The following ITGAD variants were observed in gnomAD, a reference collection of about 807,000 sequenced individuals.
ITGAD encodes integrin alpha-D.
ITGAD carries 105 observed loss-of-function variants against 139.0 expected under a neutral mutation model. The observed-to-expected ratio is 0.76, with a 90% CI of 0.65 to 0.89. The LOEUF is 0.89. Among genes scored for constraint, ITGAD ranks in the 40% least tolerant of loss-of-function variants. The pLI is 0.00. For missense variants in ITGAD, 1,384 were observed against 1,487.3 expected, an observed-to-expected ratio of 0.93 and a Z score of 1.14; for synonymous variants, 569 against 598.3, an observed-to-expected ratio of 0.95 and a Z score of 0.71.
At chr16:31,404,133 A>T (rs2081478523) in intron 7 of ITGAD, 1 of 159,590 alleles carries the variant, frequency 6.3e-6, no homozygotes, top group African/African-American at 2.4e-5. Flanking sequence ...TTATCAGAGA[A>T]TGGAGTAGTC....
intron 14 of ITGAD, 85 bp downstream of exon 14, chr16:31,411,602 A>G: frequency 7.7e-7 from 1 of 1,301,234 alleles, no homozygotes; most frequent in South Asian, 1.2e-5. Context: ...CTCTGTCACC[A>G]TTCCCTTCCT....
At position 31,410,457 on chromosome 16, in the gene ITGAD, C is replaced by T. The variant is rs369692698; in HGVS notation, c.1146C>T (p.Pro382=). The T allele has an allele frequency of 1.2e-4, 199 of 1,613,808 alleles. No homozygotes were observed. The highest frequency in any genetic ancestry group is 1.6e-4 in the Non-Finnish European group (188 of 1,179,970). ...FSWSGGAFLY[P]PNMSPTFINM... is the part of the protein sequence containing the mutation. The stretch of plus-strand genomic sequence containing the variant: ...GGTCTGGAGGTGCCTTCCTGTATCC[C>T]CCAAATATGAGCCCCACCTTCATCA... The change falls in exon 11 of 30, where the codon CCC becomes CCT. Residue 382 remains proline, a synonymous_variant. Coordinates refer to ENST00000389202, the MANE Select transcript of ITGAD (RefSeq NM_005353.3).
chr16:31,412,869 T>G lies in ITGAD; in HGVS notation c.1739T>G (p.Leu580Arg), dbSNP rs1015282888. Residue 580 changes from leucine (L) to arginine (R), a missense_variant, in exon 15 of 30, where the codon CTG becomes CGG. Physicochemically the swap from Leu to Arg is moderately radical, Grantham distance 102 (BLOSUM62 -2). Coordinates refer to ENST00000389202, the MANE Select transcript of ITGAD (RefSeq NM_005353.3). ...GCCAGCTCCCAGCTCTCCCCCAGGC[T>G]GCAGTATTTTGGGCAGGCGCTGAGT... Reference protein sequence around the residue: ...RIASSQLSPRLQYFGQALSGG... With the variant: ...RIASSQLSPRRQYFGQALSGG... The G allele has an allele frequency of 1.9e-6, 3 of 1,613,994 alleles. No homozygotes were observed. Among genetic ancestry groups the G allele is most frequent in the Non-Finnish European group, 2.5e-6 (3 of 1,180,008 alleles).
chr16:31,424,003 G>A (rs1314476311), intron 27 of ITGAD, 45 bp downstream of exon 27: 39 of 1,610,502 alleles, frequency 2.4e-5, no homozygotes, highest in African/African-American at 4.0e-5. Flanking sequence ...ACTCAGGCAG[G>A]ACCTGGCATG....
intron 5 of ITGAD, among the ~76,000 whole-genome samples, chr16:31,401,667 C>T (rs1053570652): frequency 3.3e-5 from 5 of 152,244 alleles, no homozygotes; most frequent in African/African-American, 1.2e-4. Context: ...AGTGATCCCA[C>T]GTGGTAGCCA....
At chr16:31,402,462 G>A (rs2081432942) in intron 6 of ITGAD, 1 of 392,482 alleles carries the variant, frequency 2.5e-6, no homozygotes, top group African/African-American at 2.0e-5. Flanking sequence ...GAAATACAAT[G>A]TTTCTGCTGT....
chr16:31,403,412 T>A lies in ITGAD; in HGVS notation c.559-88T>A. 3 of 1,499,850 alleles carry A rather than the reference T, an allele frequency of 2.0e-6. No homozygotes were observed. Among genetic ancestry groups the A allele is most frequent in the South Asian group, 1.2e-5 (1 of 81,262 alleles). The allele number at this position is 1,499,850 out of a possible 1,614,324, so 92.9% of individuals were successfully genotyped here. ...CAGGAGGATCACTTGAGGCCAGGAG[T>A]TTGAGAGACCCTGTCTCTACAAAAA... On this transcript the variant is annotated intron_variant, in intron 6 of 29. Transcript: ENST00000389202. The surrounding 1 kb of genome is among the most constrained non-coding windows in gnomAD (Gnocchi z 4.4).
Position 31,403,459 on chromosome 16 carries a change from A to T in ITGAD, c.559-41A>T, listed in dbSNP as rs765084730. The T allele has an allele frequency of 1.2e-6, 2 of 1,610,766 alleles. No homozygotes were observed. The highest frequency in any genetic ancestry group is 8.5e-7 in the Non-Finnish European group (1 of 1,177,882). The stretch of plus-strand genomic sequence containing the variant: ...AAAAATTAAAATAAAAACAATAGTA[A>T]CAGGCACTGAGCCCTGGGCCCTCCC... On this transcript the variant is annotated intron_variant, in intron 6 of 29. Transcript: ENST00000389202. The surrounding 1 kb of genome is among the most constrained non-coding windows in gnomAD (Gnocchi z 4.4).
intron 9 of ITGAD, among the ~76,000 whole-genome samples, chr16:31,408,213 C>T (rs577129760): frequency 6.6e-6 from 1 of 152,276 alleles, no homozygotes; most frequent in East Asian, 1.9e-4. Context: ...CTCAGGTGAT[C>T]CGCCAACCTT....
Position 31,397,339 on chromosome 16 carries a change from G to A in ITGAD, c.138-20G>A. The A allele has an allele frequency of 3.2e-6, 5 of 1,545,444 alleles. No individual in the cohort carries two copies. Among genetic ancestry groups the A allele is most frequent in the Non-Finnish European group, 4.4e-6 (5 of 1,134,692 alleles). On this transcript the variant is annotated intron_variant, in intron 2 of 29. Transcript: ENST00000389202. ...ACCCCTCCTGTGGCTGCAGTGACAT[G>A]GCCATGGTTGTGTCTCCAGACTCGT...
At chr16:31,412,744 T>C in intron 14 of ITGAD, 94 bp from the exon 15 acceptor site, 2 of 1,522,290 alleles carry the variant, frequency 1.3e-6, no homozygotes, top group Non-Finnish European at 9.0e-7. Context: ...TTCTCTCCCT[T>C]TGCCACCATC....
At chr16:31,398,206 C>T (rs2081319624) in intron 5 of ITGAD, among the ~76,000 whole-genome samples, 1 of 152,070 alleles carries the variant, frequency 6.6e-6, no homozygotes, top group Admixed American at 6.6e-5. Context: ...CACCTGAGGT[C>T]AGGAGTTCGA....
In ITGAD at chr16:31,426,217, A is replaced by G; in HGVS notation, c.*89A>G. On this transcript the variant is annotated 3_prime_UTR_variant, in exon 30 of 30. Coordinates refer to ENST00000389202, the MANE Select transcript of ITGAD (RefSeq NM_005353.3). The stretch of plus-strand genomic sequence containing the variant: ...TTACATGGAAACAACTTCTGCATAG[A>G]TCTGCACTGGCCTAAGCAACCTACC... The G allele has an allele frequency of 1.2e-6, 1 of 865,086 alleles. No individual in the cohort carries two copies. Among genetic ancestry groups the G allele is most frequent in the Non-Finnish European group, 1.9e-6 (1 of 522,066 alleles). 53.6% of individuals were successfully genotyped at this position (865,086 alleles called of 1,614,324 possible).
rs369278071 is a variant in ITGAD, at chr16:31,423,953, C to T, written c.3154C>T (p.Arg1052Cys). The change falls in exon 27 of 30, where the codon CGC (arginine) becomes TGC (cysteine). Residue 1052 changes from arginine (R) to cysteine (C), a missense_variant. By Grantham distance (180) the Arg-to-Cys change is radical. Coordinates refer to ENST00000389202, the MANE Select transcript of ITGAD (RefSeq NM_005353.3). ...LKGNLSFGWVRETLQKKVLVV... is the reference protein window; with the variant it reads ...LKGNLSFGWVCETLQKKVLVV... ...GGGCAATCTCAGTTTCGGCTGGGTC[C>T]GCGAGGTGTGTGGGGGCAGCGGCAG... The T allele has an allele frequency of 7.4e-5, 120 of 1,614,110 alleles. 1 individual carries two copies. In the South Asian group the frequency reaches 8.9e-4, roughly 12 times the overall value.
Position 31,403,859 on chromosome 16 carries a change from G to T in ITGAD, c.704+214G>T. On this transcript the variant is annotated intron_variant, in intron 7 of 29. Transcript: ENST00000389202. The surrounding 1 kb of genome is among the most constrained non-coding windows in gnomAD (Gnocchi z 4.4). Reference sequence around the variant, plus strand: ...TAGGACTAGGCTCCTCTGCAGCTATGCCTCCCCTTTGCCTGGTTCTGCAGA... The same window carrying T: ...TAGGACTAGGCTCCTCTGCAGCTATTCCTCCCCTTTGCCTGGTTCTGCAGA... 1 of 575,834 alleles carries T rather than the reference G, an allele frequency of 1.7e-6. No homozygotes were observed. The highest frequency in any genetic ancestry group is 3.1e-6 in the Non-Finnish European group (1 of 327,300). 35.7% of individuals were successfully genotyped at this position (575,834 alleles called of 1,614,324 possible). A position where few individuals can be genotyped will look rare whatever the true frequency, so the allele number is the denominator to read the frequency against.
At chr16:31,408,683 T>C (rs1327403663) in intron 10 of ITGAD, 185 bp downstream of exon 10, 2 of 576,384 alleles carry the variant, frequency 3.5e-6, no homozygotes, top group East Asian at 5.8e-5. Flanking sequence ...GTTCCTGCTC[T>C]CAAGGATCAT....
chr16:31,410,273 C>A, intron 10 of ITGAD, 122 bp from the exon 11 acceptor site: 2 of 1,361,598 alleles, frequency 1.5e-6, no homozygotes, highest in Non-Finnish European at 1.0e-6. Context: ...GCTGCTGGTG[C>A]GGGCCGGGAA....
chr16:31,418,325 G>A lies in ITGAD; in HGVS notation c.2641G>A (p.Val881Ile). The A allele has an allele frequency of 6.2e-7, 1 of 1,613,952 alleles. No homozygotes were observed. The highest frequency in any genetic ancestry group is 8.5e-7 in the Non-Finnish European group (1 of 1,179,980). Reference sequence around the variant, plus strand: ...GGGCACCTTCATAGTCACATTCGATGTCTCCTACAAGGCCACCCTGGGAGA... The same window carrying A: ...GGGCACCTTCATAGTCACATTCGATATCTCCTACAAGGCCACCCTGGGAGA... Reference protein sequence around the residue: ...SNGTFIVTFDVSYKATLGDRM... With the variant: ...SNGTFIVTFDISYKATLGDRM... Residue 881 changes from valine (V) to isoleucine (I), a missense_variant, in exon 22 of 30, where the codon GTC becomes ATC. Coordinates refer to ENST00000389202, the MANE Select transcript of ITGAD (RefSeq NM_005353.3).
At chr16:31,417,131 C>A (rs1206720216) in intron 20 of ITGAD, among the ~76,000 whole-genome samples, 1 of 150,228 alleles carries the variant, frequency 6.7e-6, no homozygotes, top group East Asian at 2.0e-4. Context: ...GCAGCCTAGA[C>A]CTCTTGGGCT....
Sources: allele counts gnomAD v4.1 joint callset (sites outside exome capture counted in the v4.1 genomes callset), GRCh38; gene constraint gnomAD v4.1.1; non-coding constraint Gnocchi (gnomAD v3.1); transcripts MANE v1.5; gene names NCBI Gene and HGNC (gene_info 2026-07-23, HGNC 2026-07-21).